The following FMNL2 variants were observed in gnomAD, a reference collection of about 807,000 sequenced individuals.
FMNL2 encodes the protein formin-like protein 2.
A neutral mutation model predicts 130.2 loss-of-function variants in FMNL2; 51 were observed. That is an observed-to-expected ratio of 0.39 (90% confidence interval 0.31 to 0.49). The LOEUF is 0.49. Ranked by LOEUF, FMNL2 falls within the 20% of genes least tolerant of loss-of-function variation. FMNL2 has a pLI of 0.85. For missense variants in FMNL2, 977 were observed against 1,316.2 expected (o/e 0.74, Z 3.99); for synonymous variants, 465 against 467.1 (o/e 1.00, Z 0.06).
Position 152,648,054 on chromosome 2 carries a change from G to T in FMNL2, c.*149G>T, listed in dbSNP as rs1156440726. The T allele has an allele frequency of 3.0e-6, 2 of 661,468 alleles. No individual in the cohort carries two copies. Among genetic ancestry groups the T allele is most frequent in the Middle Eastern group, 2.5e-4 (1 of 3,974 alleles). 41.0% of individuals were successfully genotyped at this position (661,468 alleles called of 1,614,324 possible). ...AGCAAACACGGAAGAATTTTAAAATGAGCTCTCCTTTCAACCCTTGTTAAC... is the reference window on the plus strand; with the variant it reads ...AGCAAACACGGAAGAATTTTAAAATTAGCTCTCCTTTCAACCCTTGTTAAC... On this transcript the variant is annotated 3_prime_UTR_variant, in exon 26 of 26. Transcript: ENST00000288670.
chr2:152,458,473 C>T (rs141934005), intron 1 of FMNL2, among the ~76,000 whole-genome samples: 30 of 152,286 alleles, frequency 2.0e-4, no homozygotes, highest in African/African-American at 7.0e-4. Context: ...CCAGAATGTG[C>T]CCTTCCCTTA....
At chr2:152,528,998 C>T (rs916095557) in intron 2 of FMNL2, among the ~76,000 whole-genome samples, 1 of 152,086 alleles carries the variant, frequency 6.6e-6, no homozygotes, top group Non-Finnish European at 1.5e-5. Flanking sequence ...TTGACAAGGA[C>T]CTGCAAAAAA....
intron 1 of FMNL2, among the ~76,000 whole-genome samples, chr2:152,358,301 C>T (rs891946060): frequency 6.6e-6 from 1 of 152,114 alleles, no homozygotes; most frequent in African/African-American, 2.4e-5. Flanking sequence ...CTTCCTTGCT[C>T]CTCAGTTTGC....
chr2:152,574,497 A>T (rs555033459), intron 6 of FMNL2, among the ~76,000 whole-genome samples: 3 of 152,070 alleles, frequency 2.0e-5, no homozygotes, highest in African/African-American at 7.2e-5. Flanking sequence ...TGCTGGAATA[A>T]TGAAACTGTA....
intron 9 of FMNL2, among the ~76,000 whole-genome samples, chr2:152,592,802 G>C (rs1697509793): frequency 6.6e-6 from 1 of 152,178 alleles, no homozygotes; most frequent in Non-Finnish European, 1.5e-5. Flanking sequence ...TTAACTCAGA[G>C]TTCATATACA....
At chr2:152,515,993 C>T (rs1351707634) in intron 1 of FMNL2, among the ~76,000 whole-genome samples, 1 of 152,102 alleles carries the variant, frequency 6.6e-6, no homozygotes, top group Non-Finnish European at 1.5e-5. Context: ...TAGAATCTAG[C>T]TAGTCTAATT....
intron 1 of FMNL2, among the ~76,000 whole-genome samples, chr2:152,487,578 T>G (rs192331931): frequency 6.6e-6 from 1 of 152,290 alleles, no homozygotes; most frequent in Admixed American, 6.5e-5. Context: ...GGAACCAATT[T>G]CCAATGGTTT....
intron 6 of FMNL2, 128 bp downstream of exon 6, chr2:152,561,163 T>A: frequency 1.1e-6 from 1 of 951,270 alleles, no homozygotes; most frequent in Non-Finnish European, 1.5e-6. Flanking sequence ...GCAATGACTC[T>A]AAATGAATGT....
chr2:152,642,219 C>T (rs559801887), intron 25 of FMNL2, among the ~76,000 whole-genome samples: 2 of 152,278 alleles, frequency 1.3e-5, no homozygotes, highest in South Asian at 2.1e-4. Flanking sequence ...GGATTACAGG[C>T]GTGAGCCACC....
intron 8 of FMNL2, among the ~76,000 whole-genome samples, chr2:152,580,099 C>G (rs1580006249): frequency 6.6e-6 from 1 of 152,306 alleles, no homozygotes; most frequent in East Asian, 1.9e-4. Context: ...TCCTAAGTAG[C>G]CATGCTTCTG....
At chr2:152,621,223 C>T in intron 15 of FMNL2, 1 of 815,730 alleles carries the variant, frequency 1.2e-6, no homozygotes, top group Non-Finnish European at 1.5e-6. Context: ...GGGCTGCTTC[C>T]TTTGTCTCTG....
chr2:152,406,557 T>G (rs1685994596), intron 1 of FMNL2, among the ~76,000 whole-genome samples: 1 of 152,224 alleles, frequency 6.6e-6, no homozygotes. Flanking sequence ...CAGCCCACAC[T>G]TTCTCCTCCT....
intron 1 of FMNL2, among the ~76,000 whole-genome samples, chr2:152,447,317 G>A (rs1688400135): frequency 6.6e-6 from 1 of 152,012 alleles, no homozygotes; most frequent in Non-Finnish European, 1.5e-5. Context: ...TGCCCAGGCC[G>A]ATCTTGAACT....
chr2:152,587,348 G>T (rs1697143107), intron 9 of FMNL2, among the ~76,000 whole-genome samples: 1 of 152,178 alleles, frequency 6.6e-6, no homozygotes, highest in African/African-American at 2.4e-5. Flanking sequence ...GAACATGTGG[G>T]GTGGGAGAGA....
chr2:152,524,165 CATGTTGAAGATAA>C (rs1238181914), intron 2 of FMNL2, among the ~76,000 whole-genome samples: 1 of 152,148 alleles, frequency 6.6e-6, no homozygotes, highest in Non-Finnish European at 1.5e-5. Flanking sequence ...TAAATACATT[CATGTTGAAGATAA>C]ATATTTCTTA....
chr2:152,627,424 A>G (rs889231469), intron 17 of FMNL2, among the ~76,000 whole-genome samples: 5 of 152,180 alleles, frequency 3.3e-5, no homozygotes, highest in African/African-American at 1.2e-4. Flanking sequence ...TTAGGAACTA[A>G]TTATTTATAA....
chr2:152,416,455 A>G (rs1364293760), intron 1 of FMNL2, among the ~76,000 whole-genome samples: 1 of 152,224 alleles, frequency 6.6e-6, no homozygotes, highest in Non-Finnish European at 1.5e-5. Context: ...TTTCTATAAG[A>G]AACTGCACCA....
intron 1 of FMNL2, among the ~76,000 whole-genome samples, chr2:152,468,474 T>C (rs1689675872): frequency 1.3e-5 from 2 of 152,236 alleles, no homozygotes; most frequent in Non-Finnish European, 2.9e-5. Context: ...TTCATTTGTA[T>C]ATTTTATGAA....
intron 9 of FMNL2, among the ~76,000 whole-genome samples, chr2:152,590,034 CATACATAT>C (rs1697343244): frequency 9.6e-6 from 1 of 104,412 alleles, no homozygotes; most frequent in Non-Finnish European, 2.0e-5. Flanking sequence ...TATACATATA[CATACATAT>C]ACATATATAT....
Sources: gnomAD v4.1 joint callset for allele counts (sites outside exome capture counted in the v4.1 genomes callset) on GRCh38, gnomAD v4.1.1 for gene constraint, MANE v1.5 for transcripts, NCBI Gene and HGNC (gene_info 2026-07-23, HGNC 2026-07-21) for gene names.